PABPC4L: variants seen among roughly 807,000 people sequenced by gnomAD.
PABPC4L encodes poly(A) binding protein cytoplasmic 4 like, also known as polyadenylate-binding protein 4-like.
For missense variants in PABPC4L, 452 were observed against 451.4 expected, an observed-to-expected ratio of 1.00 and a Z score of -0.01; for synonymous variants, 169 against 164.1, an observed-to-expected ratio of 1.03 and a Z score of -0.23.
At chr4:134,074,946 G>A in the PABPC4L span, among the ~76,000 whole-genome samples, 2 of 152,126 alleles carry the variant, frequency 1.3e-5, no homozygotes, top group African/African-American at 2.4e-5. Flanking sequence ...AGATTTGGGT[G>A]GGGACACAAC....
chr4:134,110,875 T>A, the PABPC4L span, among the ~76,000 whole-genome samples: 1 of 151,960 alleles, frequency 6.6e-6, no homozygotes, highest in African/African-American at 2.4e-5. Flanking sequence ...ATTTTTCTGA[T>A]CCACAGTTGG....
the PABPC4L span, among the ~76,000 whole-genome samples, chr4:134,182,053 G>T: frequency 1.3e-5 from 2 of 149,524 alleles, no homozygotes; most frequent in African/African-American, 4.9e-5. Flanking sequence ...CATATTCTGT[G>T]CTATACATAT....
At chr4:133,964,332 A>T in the PABPC4L span, among the ~76,000 whole-genome samples, 4 of 133,924 alleles carry the variant, frequency 3.0e-5, no homozygotes, top group African/African-American at 1.4e-4. Context: ...TAATTTAAAA[A>T]TTACCAAAAA....
chr4:134,115,074 T>G, the PABPC4L span, among the ~76,000 whole-genome samples: 3 of 151,902 alleles, frequency 2.0e-5, no homozygotes, highest in Admixed American at 1.3e-4. Flanking sequence ...TACATCTCCT[T>G]GCTTTCTCCA....
the PABPC4L span, among the ~76,000 whole-genome samples, chr4:134,061,938 T>C: frequency 6.6e-6 from 1 of 151,878 alleles, no homozygotes; most frequent in Non-Finnish European, 1.5e-5. Context: ...TTAATTATAT[T>C]GAATACCAAC....
chr4:134,022,555 C>T, the PABPC4L span, among the ~76,000 whole-genome samples: 2 of 151,858 alleles, frequency 1.3e-5, no homozygotes, highest in African/African-American at 4.8e-5. Context: ...GAGTCCTTTC[C>T]TTAATTATTA....
the PABPC4L span, among the ~76,000 whole-genome samples, chr4:134,033,695 T>C: frequency 1.3e-5 from 2 of 151,906 alleles, no homozygotes; most frequent in Non-Finnish European, 2.9e-5. Flanking sequence ...CAAATCGCAA[T>C]CTAGAGCAAA....
chr4:134,122,089 A>T, the PABPC4L span, among the ~76,000 whole-genome samples: 1 of 151,918 alleles, frequency 6.6e-6, no homozygotes, highest in African/African-American at 2.4e-5. Flanking sequence ...CAACTACACT[A>T]CCATATCCAG....
chr4:133,991,483 C>T, the PABPC4L span, among the ~76,000 whole-genome samples: 1 of 152,104 alleles, frequency 6.6e-6, no homozygotes, highest in Admixed American at 6.6e-5. Flanking sequence ...CCAAGGCAGG[C>T]TTGAGGGCTT....
chr4:133,976,570 C>T, the PABPC4L span, among the ~76,000 whole-genome samples: 10 of 152,124 alleles, frequency 6.6e-5, no homozygotes. Flanking sequence ...AATTTACATT[C>T]CCACCAACAG....
the PABPC4L span, among the ~76,000 whole-genome samples, chr4:134,015,197 A>G: frequency 2.9e-3 from 442 of 152,246 alleles, 5 homozygotes; most frequent in African/African-American, 1.0e-2. Context: ...AAAGCCTGTT[A>G]TCAGTCACCT....
At chr4:134,090,267 CTTAA>C in the PABPC4L span, among the ~76,000 whole-genome samples, 2 of 152,158 alleles carry the variant, frequency 1.3e-5, no homozygotes, top group African/African-American at 2.4e-5. Context: ...AAATAATCTC[CTTAA>C]TTGTTTGGTG....
the PABPC4L span, among the ~76,000 whole-genome samples, chr4:134,038,756 T>C: frequency 1.3e-5 from 2 of 152,040 alleles, no homozygotes; most frequent in African/African-American, 4.8e-5. Context: ...ATTTTGTTGA[T>C]CTTTTCAAAA....
the PABPC4L span, among the ~76,000 whole-genome samples, chr4:134,065,654 G>A: frequency 4.4e-3 from 672 of 151,316 alleles, 8 homozygotes; most frequent in African/African-American, 0.015. Flanking sequence ...TATTTTTTTC[G>A]CAGTTGTTTT....
the PABPC4L span, among the ~76,000 whole-genome samples, chr4:134,116,045 T>C: frequency 6.6e-6 from 1 of 151,856 alleles, no homozygotes; most frequent in Non-Finnish European, 1.5e-5. Flanking sequence ...AATGTATAAT[T>C]GCAGCATAAG....
the PABPC4L span, among the ~76,000 whole-genome samples, chr4:134,134,455 G>C: frequency 6.6e-6 from 1 of 151,768 alleles, no homozygotes; most frequent in African/African-American, 2.4e-5. Flanking sequence ...GATGTGTTCA[G>C]ATCTAATAAG....
the PABPC4L span, among the ~76,000 whole-genome samples, chr4:134,189,061 A>G: frequency 6.6e-6 from 1 of 152,072 alleles, no homozygotes; most frequent in African/African-American, 2.4e-5. Context: ...CCTCAGCCTT[A>G]TCCAATCTAC....
At chr4:134,115,241 G>A in the PABPC4L span, among the ~76,000 whole-genome samples, 1 of 151,920 alleles carries the variant, frequency 6.6e-6, no homozygotes, top group East Asian at 1.9e-4. Flanking sequence ...AATAGGCGAG[G>A]CACTGTCTAT....
the PABPC4L span, among the ~76,000 whole-genome samples, chr4:133,971,403 GC>G: frequency 6.6e-6 from 1 of 151,982 alleles, no homozygotes; most frequent in Non-Finnish European, 1.5e-5. Context: ...GAGCCACCGC[GC>G]CCGGCCTTAA....
Sources: allele counts gnomAD v4.1 joint callset (sites outside exome capture counted in the v4.1 genomes callset), GRCh38; gene constraint gnomAD v4.1.1; transcripts MANE v1.5; gene names NCBI Gene and HGNC (gene_info 2026-07-23, HGNC 2026-07-21).